LRPPRC: variants seen among roughly 807,000 people sequenced by gnomAD.
LRPPRC encodes the protein leucine rich pentatricopeptide repeat containing, also known as leucine-rich PPR motif-containing protein, mitochondrial.
LRPPRC carries 120 observed loss-of-function variants against 180.3 expected under a neutral mutation model. That is an observed-to-expected ratio of 0.67 (90% CI 0.57 to 0.77). The LOEUF is 0.77. LRPPRC is among the 30% of genes least tolerant of loss of function. LRPPRC has a pLI of 0.00. For missense variants in LRPPRC, 2,012 were observed against 1,657.2 expected (o/e 1.21, Z -3.72); for synonymous variants, 723 against 600.0 (o/e 1.21, Z -3.00).
At chr2:43,960,963 G>C (rs1673323378) in intron 12 of LRPPRC, among the ~76,000 whole-genome samples, 1 of 152,114 alleles carries the variant, frequency 6.6e-6, no homozygotes, top group Admixed American at 6.5e-5. Flanking sequence ...GGGGCATACA[G>C]TTTGGCCAGG....
chr2:43,928,512 G>A (rs750471968), intron 25 of LRPPRC, among the ~76,000 whole-genome samples: 13 of 152,098 alleles, frequency 8.5e-5, no homozygotes, highest in Admixed American at 4.6e-4. Flanking sequence ...AACAAAAACC[G>A]CCCGCCCTAG....
rs148828179 is a variant in LRPPRC at position 43,889,785 on chromosome 2, G to C, written c.4077C>G (p.Tyr1359Ter). The change falls in exon 37 of 38, where the codon TAC becomes TAG. Residue 1359 changes from tyrosine to a stop codon, truncating the protein, a stop_gained. Coordinates refer to ENST00000260665, the MANE Select transcript of LRPPRC (RefSeq NM_133259.4). LOFTEE classifies it high-confidence loss of function. ...CTCCAGCATACTTCAGCAAAGATGCGTAACGCTTTAGAAACAGATCATCCA... is the reference window on the plus strand; with the variant it reads ...CTCCAGCATACTTCAGCAAAGATGCCTAACGCTTTAGAAACAGATCATCCA... Reference protein sequence around the residue: ...TKLDDLFLKRYASLLKYAGEP... With the variant: ...TKLDDLFLKR The C allele has an allele frequency of 3.7e-6, 6 of 1,611,582 alleles. No individual in the cohort carries two copies. Among genetic ancestry groups the C allele is most frequent in the Non-Finnish European group, 5.1e-6 (6 of 1,177,648 alleles).
chr2:43,965,020 G>A (rs1379950501), intron 11 of LRPPRC, among the ~76,000 whole-genome samples: 3 of 152,070 alleles, frequency 2.0e-5, no homozygotes, highest in Admixed American at 6.6e-5. Flanking sequence ...GTCTTTTTTT[G>A]AGACTGAATA....
rs1301842578 is a variant in LRPPRC at position 43,943,741 on chromosome 2, A to T, written c.2450T>A (p.Leu817Ter). The T allele has an allele frequency of 1.9e-6, 3 of 1,613,550 alleles. No homozygotes were observed. Among genetic ancestry groups the T allele is most frequent in the Non-Finnish European group, 2.5e-6 (3 of 1,179,490 alleles). Residue 817 changes from leucine to a stop codon, truncating the protein, a stop_gained, in exon 23 of 38, where the codon TTA (leucine) becomes TAA (stop). Transcript: ENST00000260665. LOFTEE classifies it high-confidence loss of function. ...ACTTATGTTGGTGGATGGTTCTGCT[A>T]ACCCTAGAGTCACGATGGCTTCATG... is the stretch of plus-strand genomic sequence containing the variant. ...QLHEAIVTLG[L>*]AEPSTNISFP...
chr2:43,963,029 T>G (rs1442485195), intron 12 of LRPPRC, among the ~76,000 whole-genome samples: 1 of 152,240 alleles, frequency 6.6e-6, no homozygotes, highest in Non-Finnish European at 1.5e-5. Flanking sequence ...GTTTTAATTT[T>G]TCCCGATATT....
At chr2:43,981,036 G>C (rs1374309234) in intron 2 of LRPPRC, among the ~76,000 whole-genome samples, 1 of 152,080 alleles carries the variant, frequency 6.6e-6, no homozygotes, top group Non-Finnish European at 1.5e-5. Flanking sequence ...GAGTGTGTCT[G>C]AAACCCACGA....
At chr2:43,958,356 T>C (rs1011933831) in intron 13 of LRPPRC, among the ~76,000 whole-genome samples, 1 of 152,158 alleles carries the variant, frequency 6.6e-6, no homozygotes, top group Non-Finnish European at 1.5e-5. Context: ...AGACAATAAA[T>C]ACAGTTTAAG....
At chr2:43,947,623 C>T (rs1288676399) in intron 19 of LRPPRC, 108 bp downstream of exon 19, 1 of 775,506 alleles carries the variant, frequency 1.3e-6, no homozygotes, top group Non-Finnish European at 2.3e-6. Context: ...TAGAGGTATA[C>T]AAGATGATAA....
intron 12 of LRPPRC, among the ~76,000 whole-genome samples, chr2:43,962,894 C>A (rs2103670094): frequency 6.6e-6 from 1 of 152,218 alleles, no homozygotes; most frequent in East Asian, 1.9e-4. Context: ...ATTGCTTAAG[C>A]CCAGAGTTCA....
chr2:43,941,358 C>A (rs1672474077), intron 23 of LRPPRC, among the ~76,000 whole-genome samples: 1 of 152,106 alleles, frequency 6.6e-6, no homozygotes. Flanking sequence ...CAGTGACATG[C>A]CAAAAAGATG....
Position 43,896,620 on chromosome 2 carries a change from G to T in LRPPRC, c.3900+14C>A. 2 of 1,562,900 alleles carry T rather than the reference G, an allele frequency of 1.3e-6. No individual in the cohort carries two copies. The highest frequency in any genetic ancestry group is 1.8e-6 in the Non-Finnish European group (2 of 1,133,982). ...TACAGTATCATTGATTTGTAAGCAG[G>T]TAAAGCACAGTACCTTTCCTTGTTT... On this transcript the variant is annotated intron_variant, in intron 35 of 37. Transcript: ENST00000260665.
chr2:43,934,624 G>C, intron 24 of LRPPRC, 130 bp downstream of exon 24: 1 of 724,400 alleles, frequency 1.4e-6, no homozygotes, highest in Non-Finnish European at 2.3e-6. Context: ...TTTTCTTTTA[G>C]ATTTCACAAG....
chr2:43,962,566 C>T (rs542901180), intron 12 of LRPPRC, among the ~76,000 whole-genome samples: 4 of 152,252 alleles, frequency 2.6e-5, no homozygotes, highest in South Asian at 4.1e-4. Context: ...ATATATTCAG[C>T]GCTAAGCATG....
chr2:43,967,141 G>A (rs1045430658), intron 11 of LRPPRC, among the ~76,000 whole-genome samples: 2 of 152,172 alleles, frequency 1.3e-5, no homozygotes, highest in African/African-American at 2.4e-5. Context: ...GCTCATGCTT[G>A]TAATCCCAGC....
rs1198456995 is a variant in LRPPRC at position 43,946,114 on chromosome 2, ATTC to A, written c.2206_2208del (p.Glu736del). On this transcript the variant is annotated inframe_deletion and splice_region_variant, in exon 21 of 38. Coordinates refer to ENST00000260665, the MANE Select transcript of LRPPRC (RefSeq NM_133259.4). ...TTGTTTCAGTGCCAGGGTACTCACA[ATTC>A]TTCTTTCAAGTTCAAGGCATCTTCT... 1.9e-6 allele frequency: 3 copies of A among 1,612,436 alleles called. No homozygotes were observed. The highest frequency in any genetic ancestry group is 2.5e-6 in the Non-Finnish European group (3 of 1,178,834).
chr2:43,949,280 A>G (rs1405019167), intron 16 of LRPPRC, among the ~76,000 whole-genome samples: 1 of 152,194 alleles, frequency 6.6e-6, no homozygotes, highest in Non-Finnish European at 1.5e-5. Context: ...GTTTAAAATT[A>G]ACTACACCTG....
chr2:43,920,456 G>C (rs1671659349), intron 27 of LRPPRC, among the ~76,000 whole-genome samples: 1 of 152,028 alleles, frequency 6.6e-6, no homozygotes, highest in Non-Finnish European at 1.5e-5. Context: ...CTTTCATACA[G>C]ACTACATCGC....
chr2:43,930,900 C>G (rs1004304034), intron 25 of LRPPRC, among the ~76,000 whole-genome samples: 1 of 152,156 alleles, frequency 6.6e-6, no homozygotes, highest in African/African-American at 2.4e-5. Flanking sequence ...AGAAAAATGA[C>G]TTCCTTCTTT....
At chr2:43,941,832 T>C (rs1672491084) in intron 23 of LRPPRC, among the ~76,000 whole-genome samples, 1 of 91,202 alleles carries the variant, frequency 1.1e-5, no homozygotes, top group Admixed American at 1.4e-4. Flanking sequence ...ATTAGCAAAG[T>C]AGTCTAAAAA....
Sources: allele counts gnomAD v4.1 joint callset (sites outside exome capture counted in the v4.1 genomes callset), GRCh38; gene constraint gnomAD v4.1.1; transcripts MANE v1.5; gene names NCBI Gene and HGNC (gene_info 2026-07-23, HGNC 2026-07-21).